Variants in RORA observed in about 807,000 individuals in gnomAD.
RORA encodes RAR related orphan receptor A, also known as nuclear receptor ROR-alpha.
In RORA, 7 loss-of-function variants were observed where a neutral mutation model predicts 69.5. That is an observed-to-expected ratio of 0.10 (90% CI 0.06 to 0.19). The LOEUF is 0.19. RORA is among the 10% of genes least tolerant of loss of function. The pLI, the probability that RORA is intolerant of heterozygous loss-of-function variation, is 1.00. For missense variants in RORA, 457 were observed against 663.0 expected (o/e 0.69, Z 3.41); for synonymous variants, 261 against 240.8 (o/e 1.08, Z -0.78).
intron 1 of RORA, among the ~76,000 whole-genome samples, chr15:61,013,453 G>C (rs1052831512): frequency 6.6e-6 from 1 of 152,222 alleles, no homozygotes; most frequent in Non-Finnish European, 1.5e-5. Context: ...AACTGACAGG[G>C]AAGTGCTTTG....
intron 1 of RORA, among the ~76,000 whole-genome samples, chr15:61,083,018 C>T (rs2078568165): frequency 6.6e-6 from 1 of 152,204 alleles, no homozygotes; most frequent in African/African-American, 2.4e-5. Context: ...CTATGCTAAA[C>T]AAAACCTTCC....
intron 1 of RORA, among the ~76,000 whole-genome samples, chr15:60,721,006 G>A (rs1032983013): frequency 3.9e-5 from 6 of 152,006 alleles, no homozygotes; most frequent in Admixed American, 2.0e-4. Flanking sequence ...GAGTCTCCCC[G>A]CACACTGTTT....
intron 1 of RORA, among the ~76,000 whole-genome samples, chr15:61,132,011 T>C (rs574161250): frequency 6.6e-6 from 1 of 152,330 alleles, no homozygotes; most frequent in South Asian, 2.1e-4. Context: ...CTCCATTGCC[T>C]CCCTCACTTT....
At position 61,194,216 on chromosome 15, in the gene RORA, C is replaced by G. The variant is rs1213627066; in HGVS notation, c.166+34837G>C. The G allele has an allele frequency of 2.6e-5, 4 of 152,202 alleles. No homozygotes were observed. In the East Asian group the frequency reaches 7.7e-4, roughly 29 times the overall value. The allele number at this position is 152,202 out of a possible 1,614,324, so 9.4% of individuals were successfully genotyped here. A position where few individuals can be genotyped will look rare whatever the true frequency, so the allele number is the denominator to read the frequency against. The stretch of plus-strand genomic sequence containing the variant: ...GAAGAAAGAAAATGCACATGGGGTG[C>G]AAGCCAAGAGTAGGAACAAGCCATC... On this transcript the variant is annotated intron_variant, in intron 1 of 10. Coordinates refer to ENST00000335670, the MANE Select transcript of RORA (RefSeq NM_134261.3).
At chr15:60,899,063 AG>A (rs1891313590) in intron 1 of RORA, among the ~76,000 whole-genome samples, 2 of 152,228 alleles carry the variant, frequency 1.3e-5, no homozygotes, top group Non-Finnish European at 2.9e-5. Context: ...ATGGAGGCAA[AG>A]AGCAGCAGCT....
chr15:60,582,958 A>G (rs911835912), intron 2 of RORA, among the ~76,000 whole-genome samples: 1 of 152,128 alleles, frequency 6.6e-6, no homozygotes, highest in Non-Finnish European at 1.5e-5. Context: ...TAGTTCATTG[A>G]TATGTTTACT....
intron 1 of RORA, among the ~76,000 whole-genome samples, chr15:60,907,685 G>A (rs1263429342): frequency 2.6e-5 from 4 of 152,112 alleles, no homozygotes; most frequent in Non-Finnish European, 4.4e-5. Flanking sequence ...AGGAGCCCTG[G>A]GCTGAGGATG....
At chr15:60,922,985 C>T (rs568140365) in intron 1 of RORA, among the ~76,000 whole-genome samples, 1 of 152,332 alleles carries the variant, frequency 6.6e-6, no homozygotes, top group African/African-American at 2.4e-5. Context: ...TCTGGTGTCA[C>T]TGTGTGTATG....
intron 5 of RORA, among the ~76,000 whole-genome samples, chr15:60,508,345 G>C (rs578137072): frequency 6.6e-6 from 1 of 152,326 alleles, no homozygotes; most frequent in African/African-American, 2.4e-5. Flanking sequence ...CCTCGCTTCT[G>C]AGTTAGTCAC....
At chr15:60,902,960 A>T (rs1293605396) in intron 1 of RORA, among the ~76,000 whole-genome samples, 1 of 152,246 alleles carries the variant, frequency 6.6e-6, no homozygotes, top group East Asian at 1.9e-4. Context: ...TATCTGCCAG[A>T]CACAATAAAT....
In RORA at chr15:60,698,683, C is replaced by T. The variant is rs558232923; in HGVS notation, c.167-19997G>A. On this transcript the variant is annotated intron_variant, in intron 1 of 10. Transcript: ENST00000335670. ...TCTTGAAAGTTTAACTTTTAAAAAG[C>T]ATTGAATAGATATCATCGTGTCCTG... Among the ~76,000 whole-genome samples the T allele has an allele frequency of 7.3e-4, 104 of 142,380 alleles. 1 individual carries two copies. Among genetic ancestry groups the T allele is most frequent in the South Asian group, 2.2e-3 (10 of 4,576 alleles). 93.4% of individuals were successfully genotyped at this position (142,380 alleles called of 152,430 possible).
intron 2 of RORA, among the ~76,000 whole-genome samples, chr15:60,669,221 G>C (rs2070427041): frequency 6.6e-6 from 1 of 152,122 alleles, no homozygotes; most frequent in African/African-American, 2.4e-5. Flanking sequence ...GGCAAGAACG[G>C]GTCTTACAAT....
chr15:61,070,331 G>C (rs2078323426), intron 1 of RORA, among the ~76,000 whole-genome samples: 1 of 152,328 alleles, frequency 6.6e-6, no homozygotes, highest in South Asian at 2.1e-4. Flanking sequence ...CTCATCCGAA[G>C]ATGACTCACT....
chr15:60,655,879 A>C (rs1376298184), intron 2 of RORA, among the ~76,000 whole-genome samples: 1 of 152,184 alleles, frequency 6.6e-6, no homozygotes, highest in Non-Finnish European at 1.5e-5. Context: ...AAGCCTTTTA[A>C]TTTAAAGAAA....
intron 1 of RORA, among the ~76,000 whole-genome samples, chr15:61,075,467 T>A (rs2140628410): frequency 6.6e-6 from 1 of 152,210 alleles, no homozygotes; most frequent in African/African-American, 2.4e-5. Context: ...AGTAAAGAAC[T>A]TTGCTCCCCC....
intron 1 of RORA, among the ~76,000 whole-genome samples, chr15:60,937,158 G>A (rs1892549432): frequency 1.3e-5 from 2 of 152,150 alleles, no homozygotes; most frequent in South Asian, 4.1e-4. Flanking sequence ...CTGGCAAGTG[G>A]CAAAGCCAAA....
intron 1 of RORA, among the ~76,000 whole-genome samples, chr15:60,929,493 A>C (rs969945399): frequency 2.0e-5 from 3 of 152,220 alleles, no homozygotes; most frequent in African/African-American, 7.2e-5. Context: ...GTTCTGCAAA[A>C]GGCGAGAAGG....
intron 1 of RORA, among the ~76,000 whole-genome samples, chr15:61,162,904 T>C (rs949862379): frequency 2.0e-5 from 3 of 152,230 alleles, no homozygotes; most frequent in Admixed American, 6.5e-5. Context: ...CACAGAATTG[T>C]TGTATGCTAC....
At chr15:60,912,662 G>A (rs1402941994) in intron 1 of RORA, among the ~76,000 whole-genome samples, 1 of 152,146 alleles carries the variant, frequency 6.6e-6, no homozygotes, top group Admixed American at 6.5e-5. Flanking sequence ...GCTGAGGCAG[G>A]AGAATGGCAG....
Sources: gnomAD v4.1 joint callset for allele counts (sites outside exome capture counted in the v4.1 genomes callset) on GRCh38, gnomAD v4.1.1 for gene constraint, MANE v1.5 for transcripts, NCBI Gene and HGNC (gene_info 2026-07-23, HGNC 2026-07-21) for gene names.